GRK7: variants seen among roughly 807,000 people sequenced by gnomAD.
The protein encoded by GRK7 is G protein-coupled receptor kinase 7, also known as rhodopsin kinase GRK7.
Under a neutral mutation model 34.1 loss-of-function variants are expected in GRK7, and 24 were observed. The ratio of observed to expected loss-of-function variants is 0.70; its 90% confidence interval spans 0.51 to 0.99. The LOEUF (loss-of-function observed/expected upper bound fraction) is 0.99, where lower values mean the gene tolerates loss of function less well. Ranked by LOEUF, GRK7 falls within the 50% of genes least tolerant of loss-of-function variation. The probability of loss-of-function intolerance (pLI) is 0.00; values close to 1 mark genes in which losing one functional copy is unlikely to be tolerated. For synonymous variants in GRK7, 256 were observed against 279.4 expected, an observed-to-expected ratio of 0.92 and a Z score of 0.84; for missense variants, 644 against 707.3, an observed-to-expected ratio of 0.91 and a Z score of 1.02.
At chr3:141,811,781 C>T (rs1176356688) in intron 5 of GRK7, among the ~76,000 whole-genome samples, 1 of 152,168 alleles carries the variant, frequency 6.6e-6, no homozygotes, top group Non-Finnish European at 1.5e-5. Context: ...TCAAATGCTC[C>T]CTCCCTGTTG....
chr3:141,816,147 A>C (rs550898401), intron 5 of GRK7, among the ~76,000 whole-genome samples: 3 of 152,222 alleles, frequency 2.0e-5, no homozygotes, highest in Non-Finnish European at 4.4e-5. Flanking sequence ...TAATAATCAT[A>C]GTCTTGAGTA....
intron 4 of GRK7, among the ~76,000 whole-genome samples, chr3:141,793,412 T>C (rs1228878616): frequency 1.3e-5 from 2 of 152,114 alleles, no homozygotes; most frequent in Non-Finnish European, 2.9e-5. Flanking sequence ...GCTGGCTGGT[T>C]TGTGTTTTGA....
At chr3:141,786,371 G>A (rs535576442) in intron 4 of GRK7, among the ~76,000 whole-genome samples, 8 of 152,284 alleles carry the variant, frequency 5.3e-5, no homozygotes, top group African/African-American at 1.9e-4. Flanking sequence ...ACCCTTGCTT[G>A]CCCTTGTATA....
At chr3:141,776,327 G>A (rs2084638721) in intron 2 of GRK7, among the ~76,000 whole-genome samples, 1 of 151,942 alleles carries the variant, frequency 6.6e-6, no homozygotes, top group Non-Finnish European at 1.5e-5. Flanking sequence ...ATATAAATAT[G>A]TATATATCTG....
rs34429284 is a variant in GRK7, at chr3:141,778,526, G to T, written c.242G>T (p.Arg81Leu). Residue 81 changes from arginine (R) to leucine (L), a missense_variant, in exon 3 of 6, where the codon CGC becomes CTC. Arg to Leu is a moderately radical substitution (Grantham distance 102). Transcript: ENST00000682958. This position sits in a 1 kb window ranked among gnomAD's most constrained non-coding sequence, Gnocchi z 4.1. ...TTCCTAGCCACAGTGCCCACGTTCC[G>T]CAAGGCGGCAACCTTCCTAGAGGAC... ...RDFLATVPTF[R>L]KAATFLEDVQ... 1.2e-6 allele frequency: 2 copies of T among 1,613,238 alleles called. No homozygotes were observed. The highest frequency in any genetic ancestry group is 8.5e-7 in the Non-Finnish European group (1 of 1,179,980).
chr3:141,802,639 G>T (rs565358913), intron 4 of GRK7, among the ~76,000 whole-genome samples: 13 of 152,198 alleles, frequency 8.5e-5, no homozygotes, highest in African/African-American at 2.6e-4. Context: ...GCATATCCAG[G>T]CTGCGTTGCC....
At position 141,816,915 on chromosome 3, in the gene GRK7, G is replaced by A. The variant is rs575394389; in HGVS notation, c.1527G>A (p.Ala509=). 2.2e-5 allele frequency: 35 copies of A among 1,614,122 alleles called. No homozygotes were observed. The East Asian group carries it at 2.7e-4, about 12-fold the overall frequency. ...DKDKQFFKNF[A]TGAVPIAWQE... Reference sequence around the variant, plus strand: ...ATAAGCAGTTCTTCAAAAACTTTGCGACAGGTGCTGTTCCTATAGCATGGC... The same window carrying A: ...ATAAGCAGTTCTTCAAAAACTTTGCAACAGGTGCTGTTCCTATAGCATGGC... Residue 509 remains alanine (A), a synonymous_variant, in exon 6 of 6, where the codon GCG becomes GCA. Transcript: ENST00000682958.
chr3:141,778,637 C>T lies in GRK7; in HGVS notation c.353C>T (p.Ala118Val), dbSNP rs1363422538. The change falls in exon 3 of 6, where the codon GCC (alanine) becomes GTC (valine). Residue 118 changes from alanine (A) to valine (V), a missense_variant. Coordinates refer to ENST00000682958, the MANE Select transcript of GRK7 (RefSeq NM_139209.3). The surrounding 1 kb of genome is among the most constrained non-coding windows in gnomAD (Gnocchi z 4.1). ...GTGGCCACTTGTGCGAGTGCCCCTG[C>T]CCCGGGGAACCCGCAACCCTTCCTC... The part of the protein sequence containing the change: ...GLVATCASAP[A>V]PGNPQPFLSQ... 2 of 1,612,798 alleles carry T rather than the reference C, an allele frequency of 1.2e-6. No individual in the cohort carries two copies. The highest frequency in any genetic ancestry group is 1.7e-6 in the Non-Finnish European group (2 of 1,179,562).
intron 4 of GRK7, among the ~76,000 whole-genome samples, chr3:141,793,017 T>C (rs1463657204): frequency 3.3e-5 from 5 of 152,250 alleles, no homozygotes; most frequent in Non-Finnish European, 5.9e-5. Context: ...GCTGGGAGTG[T>C]GGCTCACCCC....
At chr3:141,751,004 A>T in the GRK7 span, among the ~76,000 whole-genome samples, 20 of 152,196 alleles carry the variant, frequency 1.3e-4, no homozygotes, top group East Asian at 3.7e-3. Flanking sequence ...GCCTGTGAAT[A>T]GCTACTGCAC....
At chr3:141,790,984 T>C (rs1452478494) in intron 4 of GRK7, among the ~76,000 whole-genome samples, 7 of 152,226 alleles carry the variant, frequency 4.6e-5, no homozygotes, top group African/African-American at 1.7e-4. Context: ...AATAGGAATA[T>C]TGGGGAGTGA....
At chr3:141,816,505 C>T (rs1226374058) in intron 5 of GRK7, among the ~76,000 whole-genome samples, 1 of 152,136 alleles carries the variant, frequency 6.6e-6, no homozygotes, top group Non-Finnish European at 1.5e-5. Context: ...AAGCTGTCTG[C>T]AAATAATGAG....
At chr3:141,790,564 CTTTTT>C (rs10540138) in intron 4 of GRK7, among the ~76,000 whole-genome samples, 6 of 141,258 alleles carry the variant, frequency 4.2e-5, no homozygotes, top group African/African-American at 1.0e-4. Context: ...TCTACATGCA[CTTTTT>C]TTTTTTTTTT....
At chr3:141,782,556 T>C (rs553003093) in intron 4 of GRK7, among the ~76,000 whole-genome samples, 1 of 152,136 alleles carries the variant, frequency 6.6e-6, no homozygotes, top group South Asian at 2.1e-4. Flanking sequence ...GGAGTTATCA[T>C]GGTTTGGGAA....
chr3:141,767,495 A>G (rs916068556), intron 1 of GRK7, among the ~76,000 whole-genome samples: 2 of 151,198 alleles, frequency 1.3e-5, no homozygotes, highest in African/African-American at 4.9e-5. Flanking sequence ...TCCAGCCCCC[A>G]GCTCAACCAA....
chr3:141,790,369 G>A (rs1001981353), intron 4 of GRK7, among the ~76,000 whole-genome samples: 1 of 152,114 alleles, frequency 6.6e-6, no homozygotes, highest in African/African-American at 2.4e-5. Context: ...TGCATGTGAT[G>A]ACATTAGCAT....
At position 141,807,848 on chromosome 3, in the gene GRK7, C is replaced by A. The variant is rs1293362063; in HGVS notation, c.1254C>A (p.Asn418Lys). The change falls in exon 5 of 6, where the codon AAC becomes AAA. Residue 418 changes from asparagine (N) to lysine (K), a missense_variant. Asn to Lys is a moderately conservative substitution (Grantham distance 94). Coordinates refer to ENST00000682958, the MANE Select transcript of GRK7 (RefSeq NM_139209.3). ...ACGAGGTCAAATTCCAGCATGATAA[C>A]TTCACAGAGGAAGCAAAAGATATTT... ...LQDEVKFQHD[N>K]FTEEAKDICR... 1.2e-6 allele frequency: 2 copies of A among 1,612,856 alleles called. No individual in the cohort carries two copies. Among genetic ancestry groups the A allele is most frequent in the South Asian group, 1.1e-5 (1 of 91,014 alleles).
intron 4 of GRK7, among the ~76,000 whole-genome samples, chr3:141,781,103 T>C (rs2084670454): frequency 6.6e-6 from 1 of 152,156 alleles, no homozygotes; most frequent in Non-Finnish European, 1.5e-5. Flanking sequence ...TCCATAGTCA[T>C]GGTCCGGGTG....
chr3:141,801,672 G>A (rs1365926527), intron 4 of GRK7, among the ~76,000 whole-genome samples: 1 of 152,150 alleles, frequency 6.6e-6, no homozygotes, highest in Non-Finnish European at 1.5e-5. Context: ...TAATGTTATT[G>A]TAGTGCTTTG....
Sources: allele counts gnomAD v4.1 joint callset (sites outside exome capture counted in the v4.1 genomes callset), GRCh38; gene constraint gnomAD v4.1.1; non-coding constraint Gnocchi (gnomAD v3.1); transcripts MANE v1.5; gene names NCBI Gene and HGNC (gene_info 2026-07-23, HGNC 2026-07-21).